The following RFC5 variants were observed in gnomAD, a reference collection of about 807,000 sequenced individuals.
The protein encoded by RFC5 is replication factor C subunit 5.
A neutral mutation model predicts 44.3 loss-of-function variants in RFC5; 26 were observed. The ratio of observed to expected loss-of-function variants is 0.59; its 90% CI spans 0.43 to 0.81. RFC5 has a LOEUF of 0.81. RFC5 is among the 40% of genes least tolerant of loss of function. The pLI, the probability that RFC5 is intolerant of heterozygous loss-of-function variation, is 0.00. For synonymous variants in RFC5, 155 were observed against 155.2 expected (o/e 1.00, Z 0.01); for missense variants, 328 against 418.6 (o/e 0.78, Z 1.89).
At chr12:118,022,740 C>T (rs959485679) in intron 5 of RFC5, among the ~76,000 whole-genome samples, 1 of 152,002 alleles carries the variant, frequency 6.6e-6, no homozygotes, top group Non-Finnish European at 1.5e-5. Flanking sequence ...GCTGGGATTA[C>T]AGGAGAATTA....
At chr12:118,032,579 C>T (rs2031380977), downstream of RFC5, 1 of 152,294 alleles carries the variant, frequency 6.6e-6, no homozygotes, top group African/African-American at 2.4e-5. Context: ...GCAGTTCTCC[C>T]ACCTCAGCCT....
Position 118,021,368 on chromosome 12 carries a change from C to T in RFC5, c.347+383C>T, listed in dbSNP as rs574087103. On this transcript the variant is annotated intron_variant, in intron 4 of 10. Transcript: ENST00000454402. ...CTGGGACTACAGTCGTGAGCCATCA[C>T]GCCCAACTAATTTTTGTATTTTTTA... 5.3e-5 allele frequency among the ~76,000 whole-genome samples: 8 copies of T among 152,042 alleles called. No individual in the cohort carries two copies. In the East Asian group the frequency reaches 5.8e-4, roughly 11 times the overall value.
At chr12:118,034,841 C>A (rs936884772), downstream of RFC5, 12 of 707,100 alleles carry the variant, frequency 1.7e-5, no homozygotes, top group East Asian at 3.0e-4. Flanking sequence ...TTAGCAAAAT[C>A]GATCATTTGA....
chr12:118,034,936 GT>G, downstream of RFC5: 1 of 1,560,224 alleles, frequency 6.4e-7, no homozygotes, highest in East Asian at 2.2e-5. Flanking sequence ...AAGCTCCATG[GT>G]ATACTCAGCA....
At chr12:118,038,160 C>T in the RFC5 span, 8 of 781,132 alleles carry the variant, frequency 1.0e-5, no homozygotes, top group Non-Finnish European at 1.6e-5. Context: ...AGGTGGTGGC[C>T]ATGGCCCACC....
At chr12:118,035,188 C>T, downstream of RFC5, 1 of 1,613,684 alleles carries the variant, frequency 6.2e-7, no homozygotes, top group Non-Finnish European at 8.5e-7. Flanking sequence ...GTTCTGAGGC[C>T]ATGTAAAGAG....
chr12:118,030,927 G>A (rs113605339), intron 10 of RFC5, among the ~76,000 whole-genome samples: 32 of 152,234 alleles, frequency 2.1e-4, no homozygotes, highest in African/African-American at 7.0e-4. Flanking sequence ...CACCACGCCC[G>A]GCCTGATACC....
chr12:118,040,617 C>T, the RFC5 span, among the ~76,000 whole-genome samples: 119 of 150,294 alleles, frequency 7.9e-4, 2 homozygotes, highest in East Asian at 0.021. Flanking sequence ...GAAAATTAGC[C>T]AGGCATGGTG....
At chr12:118,018,052 A>T (rs1054220131) in intron 1 of RFC5, 2 of 701,454 alleles carry the variant, frequency 2.9e-6, no homozygotes, top group East Asian at 2.7e-5. Flanking sequence ...TGGACATTTC[A>T]TGTAAGTGGA....
chr12:118,036,176 T>A (rs541401813), downstream of RFC5: 2 of 858,958 alleles, frequency 2.3e-6, no homozygotes, highest in South Asian at 3.8e-5. Flanking sequence ...CACTCCAGCC[T>A]GGGTGACAGA....
the RFC5 span, chr12:118,038,517 G>T: frequency 1.4e-6 from 1 of 725,324 alleles, no homozygotes; most frequent in South Asian, 1.9e-5. Flanking sequence ...TGGGCCCAAG[G>T]GTCCAATTTT....
chr12:118,041,043 C>T, the RFC5 span, among the ~76,000 whole-genome samples: 1 of 152,094 alleles, frequency 6.6e-6, no homozygotes, highest in African/African-American at 2.4e-5. Flanking sequence ...AGTGAGACTC[C>T]GTCTCAAGAA....
At chr12:118,032,470 T>C (rs1424171998), downstream of RFC5, 1 of 152,146 alleles carries the variant, frequency 6.6e-6, no homozygotes. Flanking sequence ...TTGTTTTATG[T>C]GTTTATTTTT....
At chr12:118,035,115 C>T (rs780884523), downstream of RFC5, 5 of 1,613,714 alleles carry the variant, frequency 3.1e-6, no homozygotes, top group Non-Finnish European at 4.2e-6. Context: ...GAGAGAACAT[C>T]TGGATATTAG....
chr12:118,040,202 A>G, the RFC5 span, among the ~76,000 whole-genome samples: 2 of 152,040 alleles, frequency 1.3e-5, no homozygotes, highest in South Asian at 4.1e-4. Flanking sequence ...TGGTTTCTTC[A>G]GCTGTCAAAT....
chr12:118,029,823 T>G lies in RFC5; in HGVS notation c.924T>G (p.Ile308Met). 6.3e-7 allele frequency: 1 copy of G among 1,598,150 alleles called. No individual in the cohort carries two copies. Among genetic ancestry groups the G allele is most frequent in the Non-Finnish European group, 8.6e-7 (1 of 1,165,490 alleles). ...ATTTATTGACCAAAATGGCAGACAT[T>G]GAGTGAGTACTTCTTGCCCCAGTTT... ...RIHLLTKMADIEYRLSVGTNE... is the reference protein window; with the variant it reads ...RIHLLTKMADMEYRLSVGTNE... Residue 308 changes from isoleucine (I) to methionine (M), a missense_variant and splice_region_variant, in exon 10 of 11, where the codon ATT becomes ATG. Transcript: ENST00000454402.
At chr12:118,031,149 CTT>C in intron 10 of RFC5, 31 bp from the exon 11 acceptor site, 1 of 1,521,010 alleles carries the variant, frequency 6.6e-7, no homozygotes, top group Non-Finnish European at 9.1e-7. Flanking sequence ...TGTTTGGTGT[CTT>C]TTTTCTTACC....
At chr12:118,040,487 G>A in the RFC5 span, among the ~76,000 whole-genome samples, 6,220 of 152,094 alleles carry the variant, frequency 0.041, 411 homozygotes, top group African/African-American at 0.14. Flanking sequence ...CCAGCCGAGC[G>A]TGGTACCTCA....
downstream of RFC5, chr12:118,034,179 A>G (rs1593460246): frequency 6.2e-7 from 1 of 1,613,992 alleles, no homozygotes; most frequent in Non-Finnish European, 8.5e-7. Flanking sequence ...ACAAAGAAGC[A>G]CAAGATGTGG....
Sources: allele counts gnomAD v4.1 joint callset (sites outside exome capture counted in the v4.1 genomes callset), GRCh38; gene constraint gnomAD v4.1.1; transcripts MANE v1.5; gene names NCBI Gene and HGNC (gene_info 2026-07-23, HGNC 2026-07-21).